The following SVEP1 variants were observed in gnomAD, a reference collection of about 807,000 sequenced individuals.
The protein encoded by SVEP1 is sushi, von Willebrand factor type A, EGF and pentraxin domain containing 1.
SVEP1 carries 164 observed loss-of-function variants against 367.3 expected under a neutral mutation model. The ratio of observed to expected loss-of-function variants is 0.45; its 90% CI spans 0.39 to 0.51. SVEP1 has a LOEUF of 0.51. SVEP1 is among the 20% of genes least tolerant of loss of function. The pLI is 0.00. For missense variants in SVEP1, 4,117 were observed against 4,425.3 expected, an observed-to-expected ratio of 0.93 and a Z score of 1.98; for synonymous variants, 1,666 against 1,611.6, an observed-to-expected ratio of 1.03 and a Z score of -0.81.
intron 43 of SVEP1, 115 bp downstream of exon 43, chr9:110,385,783 G>T: frequency 9.2e-7 from 1 of 1,088,858 alleles, no homozygotes; most frequent in Non-Finnish European, 1.3e-6. Context: ...TGATAACTGT[G>T]ATAGCACAGA....
chr9:110,399,596 C>A (rs545652321), intron 40 of SVEP1, among the ~76,000 whole-genome samples: 2 of 152,106 alleles, frequency 1.3e-5, no homozygotes, highest in African/African-American at 4.8e-5. Context: ...TGCAATGGTG[C>A]GATCTTGGCT....
At chr9:110,544,332 G>A (rs1286046142) in intron 3 of SVEP1, among the ~76,000 whole-genome samples, 1 of 152,004 alleles carries the variant, frequency 6.6e-6, no homozygotes, top group Admixed American at 6.6e-5. Flanking sequence ...TTTCCTTGTG[G>A]GTGTTAATTT....
At chr9:110,556,645 C>T (rs1654152233) in intron 1 of SVEP1, among the ~76,000 whole-genome samples, 1 of 152,058 alleles carries the variant, frequency 6.6e-6, no homozygotes, top group Non-Finnish European at 1.5e-5. Context: ...CAGGCACGTG[C>T]CACCACGCCC....
chr9:110,463,137 C>T (rs753149887), intron 18 of SVEP1, among the ~76,000 whole-genome samples: 5 of 151,972 alleles, frequency 3.3e-5, no homozygotes, highest in Non-Finnish European at 7.4e-5. Flanking sequence ...TAACTTCATC[C>T]TGGAGAGTCA....
At chr9:110,392,265 CTGTCAATTTATTTGTCT>C (rs1827670185) in intron 40 of SVEP1, among the ~76,000 whole-genome samples, 1 of 151,738 alleles carries the variant, frequency 6.6e-6, no homozygotes, top group African/African-American at 2.4e-5. Flanking sequence ...CCCCTCTGCC[CTGTCAATTTATTTGTCT>C]TGGACACTGA....
Position 110,431,954 on chromosome 9 carries a change from A to G in SVEP1, c.5314T>C (p.Cys1772Arg), listed in dbSNP as rs1467262452. 2 of 1,613,770 alleles carry G rather than the reference A, an allele frequency of 1.2e-6. No individual in the cohort carries two copies. Among genetic ancestry groups the G allele is most frequent in the Non-Finnish European group, 1.7e-6 (2 of 1,179,730 alleles). ...CCATCTCCTGTGTACGGTGGGACAC[A>G]TGAACATATGTAGGATCCATCTACG... ...LNVDGSYICS[C>R]VPPYTGDGKN... is the part of the protein sequence containing the mutation. The change falls in exon 32 of 48, where the codon TGT (cysteine) becomes CGT (arginine). Residue 1772 changes from cysteine to arginine, a missense_variant. This residue lies in a region of SVEP1 where 2,174 missense variants were observed against 2,494.3 expected (regional missense o/e 0.87). Coordinates refer to ENST00000374469, the MANE Select transcript of SVEP1 (RefSeq NM_153366.4).
At chr9:110,393,836 G>A (rs1375642110) in intron 40 of SVEP1, among the ~76,000 whole-genome samples, 2 of 152,220 alleles carry the variant, frequency 1.3e-5, no homozygotes, top group African/African-American at 4.8e-5. Context: ...GCCGAGACTT[G>A]ATTAGGTAAA....
chr9:110,564,780 T>C (rs1402079625), intron 1 of SVEP1, among the ~76,000 whole-genome samples: 1 of 131,404 alleles, frequency 7.6e-6, no homozygotes, highest in Non-Finnish European at 1.8e-5. Context: ...GGGTTGACTT[T>C]GATTCATAGA....
intron 15 of SVEP1, 69 bp from the exon 16 acceptor site, chr9:110,471,666 T>A: frequency 8.4e-7 from 1 of 1,195,010 alleles, no homozygotes. Context: ...GTAGTTAATT[T>A]TTTACCAAAC....
intron 32 of SVEP1, 120 bp from the exon 33 acceptor site, chr9:110,430,570 T>G: frequency 1.0e-6 from 1 of 995,858 alleles, no homozygotes; most frequent in Non-Finnish European, 1.5e-6. Context: ...GAAAACCTCG[T>G]GAAGGGAAAT....
In SVEP1 at chr9:110,365,739, T is replaced by TAGTG. The variant is rs1256635193; in HGVS notation, c.*796_*799dup. 3 of 152,270 alleles carry TAGTG rather than the reference T, an allele frequency of 2.0e-5. No homozygotes were observed. Among genetic ancestry groups the TAGTG allele is most frequent in the East Asian group, 1.9e-4 (1 of 5,202 alleles). The allele number at this position is 152,270 out of a possible 1,614,324, so 9.4% of individuals were successfully genotyped here. ...CCCTGTCTTCCCCTTCCTCCCAAAA[T>TAGTG]AGTGAGTTGTGGGATTACCAGTCCG... On this transcript the variant is annotated 3_prime_UTR_variant, in exon 48 of 48. Coordinates refer to ENST00000374469, the MANE Select transcript of SVEP1 (RefSeq NM_153366.4).
intron 1 of SVEP1, among the ~76,000 whole-genome samples, chr9:110,556,470 G>A (rs1050372470): frequency 6.6e-6 from 1 of 152,006 alleles, no homozygotes; most frequent in Non-Finnish European, 1.5e-5. Flanking sequence ...AACTAGAGAC[G>A]CTAATAAAGT....
At position 110,385,958 on chromosome 9, in the gene SVEP1, G is replaced by A. The variant is rs1827515400; in HGVS notation, c.10177C>T (p.His3393Tyr). ...TCGGGGTTGCAGGTAATGATGCCGT[G>A]GCCCTGCAGCAGAAAACCTTCCCTA... ...KCREGFLLQGHGIITCNPDET... is the reference protein window; with the variant it reads ...KCREGFLLQGYGIITCNPDET... Residue 3393 changes from histidine (H) to tyrosine (Y), a missense_variant, in exon 43 of 48, where the codon CAC (histidine) becomes TAC (tyrosine). Around this residue, in one of 4 missense-constraint regions of SVEP1, gnomAD observed 1,765 missense variants for 1,781.1 expected, o/e 0.99. Transcript: ENST00000374469. The A allele has an allele frequency of 6.2e-7, 1 of 1,613,648 alleles. No individual in the cohort carries two copies. The highest frequency in any genetic ancestry group is 1.3e-5 in the African/African-American group (1 of 74,886).
chr9:110,426,027 C>T (rs1244717921), intron 36 of SVEP1, among the ~76,000 whole-genome samples: 1 of 152,126 alleles, frequency 6.6e-6, no homozygotes, highest in African/African-American at 2.4e-5. Flanking sequence ...TAAGATTTCA[C>T]AAACATTTAA....
At chr9:110,422,920 T>G in intron 36 of SVEP1, among the ~76,000 whole-genome samples, 1 of 108,708 alleles carries the variant, frequency 9.2e-6, no homozygotes, top group African/African-American at 3.9e-5. Context: ...AATTGAACAA[T>G]GAGATCACAT....
chr9:110,378,189 T>C (rs1485956391), intron 44 of SVEP1, among the ~76,000 whole-genome samples: 1 of 152,190 alleles, frequency 6.6e-6, no homozygotes, highest in East Asian at 1.9e-4. Context: ...CAGACATTTA[T>C]GTTGTTCAAT....
intron 3 of SVEP1, among the ~76,000 whole-genome samples, chr9:110,531,691 G>A (rs1830020444): frequency 6.6e-6 from 1 of 152,096 alleles, no homozygotes; most frequent in Non-Finnish European, 1.5e-5. Context: ...GACTAATACA[G>A]CCACCTATGG....
At chr9:110,396,764 A>G (rs951875119) in intron 40 of SVEP1, among the ~76,000 whole-genome samples, 1 of 152,184 alleles carries the variant, frequency 6.6e-6, no homozygotes, top group Non-Finnish European at 1.5e-5. Flanking sequence ...AAATTCCTCG[A>G]CACATACATC....
At chr9:110,529,605 T>TATAC (rs1829990834) in intron 3 of SVEP1, among the ~76,000 whole-genome samples, 2 of 77,812 alleles carry the variant, frequency 2.6e-5, no homozygotes, top group African/African-American at 7.8e-5. Flanking sequence ...TCCTAGGAAG[T>TATAC]TTGTTTTTTT....
Sources: gnomAD v4.1 joint callset for allele counts (sites outside exome capture counted in the v4.1 genomes callset) on GRCh38, gnomAD v4.1.1 for gene constraint, gnomAD v4.1.1 regional missense constraint, MANE v1.5 for transcripts, NCBI Gene and HGNC (gene_info 2026-07-23, HGNC 2026-07-21) for gene names.